The following GPT variants were observed in gnomAD, a reference collection of about 807,000 sequenced individuals.
The protein encoded by GPT is glutamic--pyruvic transaminase.
In GPT, 60 loss-of-function variants were observed where a neutral mutation model predicts 51.4. The observed-to-expected ratio is 1.17, with a 90% CI of 0.95 to 1.45. The LOEUF (loss-of-function observed/expected upper bound fraction) is 1.45, where lower values mean the gene tolerates loss of function less well. GPT is among the 40% of genes most tolerant of loss of function. The pLI is 0.00. For missense variants in GPT, 853 were observed against 704.0 expected, an observed-to-expected ratio of 1.21 and a Z score of -2.40; for synonymous variants, 397 against 303.1, an observed-to-expected ratio of 1.31 and a Z score of -3.22.
In GPT at chr8:144,506,027, G is replaced by A. The variant is rs1203328389; in HGVS notation, c.852G>A (p.Ser284=). 1 of 1,612,428 alleles carries A rather than the reference G, an allele frequency of 6.2e-7. No homozygotes were observed. The highest frequency in any genetic ancestry group is 8.5e-7 in the Non-Finnish European group (1 of 1,179,712). ...VYQDNVYAAG[S]QFHSFKKVLM... Reference sequence around the variant, plus strand: ...AGGACAACGTGTACGCCGCGGGTTCGCAGTTCCACTCATTCAAGAAGGTGC... The same window carrying A: ...AGGACAACGTGTACGCCGCGGGTTCACAGTTCCACTCATTCAAGAAGGTGC... The change falls in exon 7 of 11, where the codon TCG becomes TCA. Residue 284 remains serine (S), a synonymous_variant. Coordinates refer to ENST00000394955, the MANE Select transcript of GPT (RefSeq NM_005309.3). The surrounding 1 kb of genome is among the most constrained non-coding windows in gnomAD (Gnocchi z 7.0).
intron 3 of GPT, 24 bp downstream of exon 3, chr8:144,504,903 G>A: frequency 6.2e-7 from 1 of 1,612,788 alleles, no homozygotes; most frequent in East Asian, 2.2e-5. Flanking sequence ...CCAGGAGGAA[G>A]CAGAGGGCCG....
In GPT at chr8:144,506,169, T is replaced by C. The variant is rs1197523096; in HGVS notation, c.956+38T>C. ...GAGGCGGGTGGGGGCTCGCGGGCCA[T>C]GGCCAGGCCCTCCTCGCCCGATGGG... On this transcript the variant is annotated intron_variant, in intron 7 of 10. Coordinates refer to ENST00000394955, the MANE Select transcript of GPT (RefSeq NM_005309.3). The surrounding 1 kb of genome is among the most constrained non-coding windows in gnomAD (Gnocchi z 7.0). The C allele has an allele frequency of 1.3e-5, 21 of 1,604,400 alleles. No individual in the cohort carries two copies. The highest frequency in any genetic ancestry group is 1.8e-5 in the Non-Finnish European group (21 of 1,176,098).
In GPT at chr8:144,506,633, C is replaced by A; in HGVS notation, c.1264C>A (p.Pro422Thr). 2 of 1,550,028 alleles carry A rather than the reference C, an allele frequency of 1.3e-6. No individual in the cohort carries two copies. The highest frequency in any genetic ancestry group is 1.7e-6 in the Non-Finnish European group (2 of 1,145,832). ...MYSFPRVQLPPRAVERAQELG... is the reference protein window; with the variant it reads ...MYSFPRVQLPTRAVERAQELG... The stretch of plus-strand genomic sequence containing the variant: ...CTCCTTCCCGCGCGTGCAGCTGCCC[C>A]CGCGGGCGGTGGAGCGCGCTCAGGT... The change falls in exon 9 of 11, where the codon CCG (proline) becomes ACG (threonine). Residue 422 changes from proline to threonine, a missense_variant. Pro to Thr is a conservative substitution (Grantham distance 38). Coordinates refer to ENST00000394955, the MANE Select transcript of GPT (RefSeq NM_005309.3). This position sits in a 1 kb window ranked among gnomAD's most constrained non-coding sequence, Gnocchi z 7.0.
Position 144,504,273 on chromosome 8 carries a change from G to C in GPT, c.-32G>C. On this transcript the variant is annotated 5_prime_UTR_variant, in exon 1 of 11. Transcript: ENST00000394955. The stretch of plus-strand genomic sequence containing the variant: ...CCCACTTCTGGTCCTGCCACCTCCT[G>C]AGCTGCCTTCCCGCCTGGTCTGGGT... The C allele has an allele frequency of 6.2e-7, 1 of 1,601,904 alleles. No individual in the cohort carries two copies. The highest frequency in any genetic ancestry group is 8.5e-7 in the Non-Finnish European group (1 of 1,178,988).
intron 1 of GPT, 45 bp downstream of exon 1, chr8:144,504,511 G>A (rs1564776582): frequency 5.6e-6 from 9 of 1,608,066 alleles, no homozygotes; most frequent in Non-Finnish European, 7.6e-6. Context: ...ACAATGGGGT[G>A]GCCGAGTTGG....
intron 3 of GPT, 35 bp from the exon 4 acceptor site, chr8:144,504,963 A>T: frequency 6.2e-7 from 1 of 1,612,868 alleles, no homozygotes; most frequent in East Asian, 2.2e-5. Flanking sequence ...GGAGAACTTC[A>T]CCTGTACTTC....
chr8:144,507,099 G>A lies in GPT; in HGVS notation c.*99G>A. The A allele has an allele frequency of 1.4e-6, 1 of 725,034 alleles. No individual in the cohort carries two copies. Among genetic ancestry groups the A allele is most frequent in the Non-Finnish European group, 2.5e-6 (1 of 402,138 alleles). 44.9% of individuals were successfully genotyped at this position (725,034 alleles called of 1,614,324 possible). On this transcript the variant is annotated 3_prime_UTR_variant, in exon 11 of 11. Transcript: ENST00000394955. ...TGTACTTGCTCTTGATGCCTGGCGG[G>A]GTGGGGTGGGGGGGGTGCTGGGCCC...
chr8:144,506,753 T>C lies in GPT; in HGVS notation c.1310T>C (p.Met437Thr), dbSNP rs761664060. Residue 437 changes from methionine to threonine, a missense_variant, in exon 10 of 11, where the codon ATG becomes ACG. By Grantham distance (81) the Met-to-Thr change is moderately conservative. Transcript: ENST00000394955. The surrounding 1 kb of genome is among the most constrained non-coding windows in gnomAD (Gnocchi z 7.0). Reference sequence around the variant, plus strand: ...CAGGAGCTGGGCCTGGCCCCCGATATGTTCTTCTGCCTGCGCCTCCTGGAG... The same window carrying C: ...CAGGAGCTGGGCCTGGCCCCCGATACGTTCTTCTGCCTGCGCCTCCTGGAG... ...RAQELGLAPD[M>T]FFCLRLLEET... 2.5e-5 allele frequency: 41 copies of C among 1,611,968 alleles called. No homozygotes were observed. Among genetic ancestry groups the C allele is most frequent in the Non-Finnish European group, 3.0e-5 (35 of 1,179,910 alleles).
Position 144,506,842 on chromosome 8 carries a change from C to T in GPT, c.1399C>T (p.Arg467Trp), listed in dbSNP as rs201282843. The change falls in exon 10 of 11, where the codon CGG (arginine) becomes TGG (tryptophan). Residue 467 changes from arginine (R) to tryptophan (W), a missense_variant and splice_region_variant. By Grantham distance (101) the Arg-to-Trp change is moderately radical. Coordinates refer to ENST00000394955, the MANE Select transcript of GPT (RefSeq NM_005309.3). This position sits in a 1 kb window ranked among gnomAD's most constrained non-coding sequence, Gnocchi z 7.0. ...FGQREGTYHFRMTILPPLEKL... is the reference protein window; with the variant it reads ...FGQREGTYHFWMTILPPLEKL... ...GCAGCGGGAAGGCACCTACCACTTCCGGTGAGGCCTGGCCCTCACTCCCTG... is the reference window on the plus strand; with the variant it reads ...GCAGCGGGAAGGCACCTACCACTTCTGGTGAGGCCTGGCCCTCACTCCCTG... The T allele has an allele frequency of 1.5e-4, 236 of 1,612,468 alleles. 1 individual carries two copies. Among genetic ancestry groups the T allele is most frequent in the Admixed American group, 1.2e-3 (71 of 59,996 alleles).
At position 144,506,891 on chromosome 8, in the gene GPT, C is replaced by T. The variant is rs369447294; in HGVS notation, c.1401-19C>T. On this transcript the variant is annotated intron_variant, in intron 10 of 10. Transcript: ENST00000394955. This position sits in a 1 kb window ranked among gnomAD's most constrained non-coding sequence, Gnocchi z 7.0. ...TGTCCCGCCACCCTGGCCCTTCACTCACTGTCAACTCCTTTCAGGATGACC... is the reference window on the plus strand; with the variant it reads ...TGTCCCGCCACCCTGGCCCTTCACTTACTGTCAACTCCTTTCAGGATGACC... The T allele has an allele frequency of 1.9e-6, 3 of 1,612,224 alleles. No homozygotes were observed. The highest frequency in any genetic ancestry group is 1.3e-5 in the African/African-American group (1 of 74,934).
chr8:144,506,798 T>C lies in GPT; in HGVS notation c.1355T>C (p.Val452Ala). The C allele has an allele frequency of 6.2e-7, 1 of 1,612,680 alleles. No individual in the cohort carries two copies. The highest frequency in any genetic ancestry group is 8.5e-7 in the Non-Finnish European group (1 of 1,179,964). The change falls in exon 10 of 11, where the codon GTG becomes GCG. Residue 452 changes from valine to alanine, a missense_variant. Physicochemically the swap from Val to Ala is moderately conservative, Grantham distance 64 (BLOSUM62 0). Transcript: ENST00000394955. This position sits in a 1 kb window ranked among gnomAD's most constrained non-coding sequence, Gnocchi z 7.0. ...CTGGAGGAGACCGGCATCTGCGTGG[T>C]GCCAGGGAGCGGCTTTGGGCAGCGG... ...RLLEETGICV[V>A]PGSGFGQREG...
rs1454910748 is a variant in GPT at position 144,505,114 on chromosome 8, G to A, written c.478G>A (p.Ala160Thr). ...CAACAACGTCTTCCTGTCCACAGGG[G>A]CCAGCGATGCCATCGTGGTAGGCTG... is the stretch of plus-strand genomic sequence containing the variant. The part of the protein sequence containing the change: ...DPNNVFLSTG[A>T]SDAIVTVLKL... The change falls in exon 4 of 11, where the codon GCC (alanine) becomes ACC (threonine). Residue 160 changes from alanine (A) to threonine (T), a missense_variant. Transcript: ENST00000394955. 1.9e-6 allele frequency: 3 copies of A among 1,613,072 alleles called. No individual in the cohort carries two copies. The highest frequency in any genetic ancestry group is 1.3e-5 in the African/African-American group (1 of 75,046).
chr8:144,504,201 C>T lies in GPT; in HGVS notation c.-104C>T. ...CCTGGAGTTCCCTCTGCTACGGCTG[C>T]CCCCTCCCAGCCCTGGCCCACTAAG... On this transcript the variant is annotated 5_prime_UTR_variant, in exon 1 of 11. Transcript: ENST00000394955. 8.0e-7 allele frequency: 1 copy of T among 1,249,756 alleles called. No individual in the cohort carries two copies. Among genetic ancestry groups the T allele is most frequent in the Admixed American group, 2.0e-5 (1 of 51,098 alleles). 77.4% of individuals were successfully genotyped at this position (1,249,756 alleles called of 1,614,324 possible). A position where few individuals can be genotyped will look rare whatever the true frequency, so the allele number is the denominator to read the frequency against.
rs774265869 is a variant in GPT at position 144,504,438 on chromosome 8, C to T, written c.134C>T (p.Ala45Val). 7 of 1,610,442 alleles carry T rather than the reference C, an allele frequency of 4.3e-6. No homozygotes were observed. The African/African-American group carries it at 6.7e-5, about 15-fold the overall frequency. ...GTGCGTGGCCCCATAGTGCAGCGAGCCTTGGAGCTGGAGCAGGAGCTGCGC... is the reference window on the plus strand; with the variant it reads ...GTGCGTGGCCCCATAGTGCAGCGAGTCTTGGAGCTGGAGCAGGAGCTGCGC... Reference protein sequence around the residue: ...YAVRGPIVQRALELEQELRQG... With the variant: ...YAVRGPIVQRVLELEQELRQG... The change falls in exon 1 of 11, where the codon GCC becomes GTC. Residue 45 changes from alanine (A) to valine (V), a missense_variant. Ala to Val is a moderately conservative substitution (Grantham distance 64). Transcript: ENST00000394955.
rs760930815 is a variant in GPT at position 144,506,045 on chromosome 8, G to A, written c.870G>A (p.Lys290=). The A allele has an allele frequency of 1.9e-6, 3 of 1,612,456 alleles. No individual in the cohort carries two copies. In the South Asian group the frequency reaches 3.3e-5, roughly 18 times the overall value. The change falls in exon 7 of 11, where the codon AAG becomes AAA. Residue 290 remains lysine, a synonymous_variant. Transcript: ENST00000394955. This position sits in a 1 kb window ranked among gnomAD's most constrained non-coding sequence, Gnocchi z 7.0. The part of the protein sequence containing the change: ...YAAGSQFHSF[K]KVLMEMGPPY... ...CGGGTTCGCAGTTCCACTCATTCAAGAAGGTGCTCATGGAGATGGGGCCGC... is the reference window on the plus strand; with the variant it reads ...CGGGTTCGCAGTTCCACTCATTCAAAAAGGTGCTCATGGAGATGGGGCCGC...
rs1199775760 is a variant in GPT, at chr8:144,506,103, C to T, written c.928C>T (p.His310Tyr). ...CGGGCAGCAGGAGCTTGCCTCCTTC[C>T]ACTCCACCTCCAAGGGCTACATGGG... ...YAGQQELASF[H>Y]STSKGYMGEC... is the part of the protein sequence containing the mutation. Residue 310 changes from histidine (H) to tyrosine (Y), a missense_variant, in exon 7 of 11, where the codon CAC becomes TAC. Coordinates refer to ENST00000394955, the MANE Select transcript of GPT (RefSeq NM_005309.3). The surrounding 1 kb of genome is among the most constrained non-coding windows in gnomAD (Gnocchi z 7.0). The T allele has an allele frequency of 1.2e-6, 2 of 1,612,318 alleles. No individual in the cohort carries two copies. Among genetic ancestry groups the T allele is most frequent in the East Asian group, 2.2e-5 (1 of 44,850 alleles).
Position 144,505,125 on chromosome 8 carries a change from C to T in GPT, c.489C>T (p.Ala163=), listed in dbSNP as rs769394527. ...NVFLSTGASD[A]IVTVLKLLVA... is the part of the protein sequence containing the mutation. ...TCCTGTCCACAGGGGCCAGCGATGCCATCGTGGTAGGCTGGGCATGGGCAC... is the reference window on the plus strand; with the variant it reads ...TCCTGTCCACAGGGGCCAGCGATGCTATCGTGGTAGGCTGGGCATGGGCAC... Residue 163 remains alanine (A), a synonymous_variant, in exon 4 of 11, where the codon GCC becomes GCT. Transcript: ENST00000394955. The T allele has an allele frequency of 3.1e-6, 5 of 1,613,026 alleles. No homozygotes were observed. In the East Asian group the frequency reaches 8.9e-5, roughly 29 times the overall value.
upstream of GPT, chr8:144,503,782 G>C (rs1219942417): frequency 5.8e-6 from 1 of 171,998 alleles, no homozygotes; most frequent in African/African-American, 2.4e-5. Flanking sequence ...AGCCCTGCTG[G>C]GGTAAATCCC....
At chr8:144,505,774 G>A (rs1323941467) in intron 5 of GPT, 74 bp from the exon 6 acceptor site, 93 of 1,445,026 alleles carry the variant, frequency 6.4e-5, no homozygotes, top group Non-Finnish European at 8.7e-5. Context: ...CGGGTCCGCT[G>A]GACCCCGGCT....
Sources: gnomAD v4.1 joint callset for allele counts on GRCh38, gnomAD v4.1.1 for gene constraint, Gnocchi (gnomAD v3.1) non-coding constraint, MANE v1.5 for transcripts, NCBI Gene and HGNC (gene_info 2026-07-23, HGNC 2026-07-21) for gene names.